SPATA13: variants seen among roughly 807,000 people sequenced by gnomAD.
The protein encoded by SPATA13 is spermatogenesis associated 13, also known as spermatogenesis-associated protein 13.
Under a neutral mutation model 104.0 loss-of-function variants are expected in SPATA13, and 50 were observed. That is an observed-to-expected ratio of 0.48 (90% CI 0.38 to 0.61). SPATA13 has a LOEUF of 0.61. Ranked by LOEUF, SPATA13 falls within the 20% of genes least tolerant of loss-of-function variation. The probability of loss-of-function intolerance (pLI) is 0.00; values close to 1 mark genes in which losing one functional copy is unlikely to be tolerated. For missense variants in SPATA13, 1,524 were observed against 1,690.6 expected (o/e 0.90, Z 1.73); for synonymous variants, 606 against 667.5 (o/e 0.91, Z 1.42).
At chr13:24,077,442 G>A (rs113687854) in intron 3 of SPATA13, among the ~76,000 whole-genome samples, 31 of 151,996 alleles carry the variant, frequency 2.0e-4, no homozygotes, top group African/African-American at 7.0e-4. Context: ...CGGACATAAA[G>A]ATGGAAATAA....
intron 3 of SPATA13, among the ~76,000 whole-genome samples, chr13:24,250,458 T>G (rs142731787): frequency 3.8e-4 from 58 of 152,314 alleles, no homozygotes; most frequent in African/African-American, 1.2e-3. Flanking sequence ...AGACCCTATC[T>G]TGGAGAAGTG....
In SPATA13 at chr13:24,294,472, T is replaced by C. The variant is rs1328103226; in HGVS notation, c.3081-267T>C. Among the ~76,000 whole-genome samples the C allele has an allele frequency of 2.0e-5, 3 of 152,258 alleles. No individual in the cohort carries two copies. In the South Asian group the frequency reaches 6.2e-4, roughly 31 times the overall value. ...CTAAAACTTACTTATTTGTGGCATT[T>C]ACTGTCATTCATTGTAATTTCTGGG... On this transcript the variant is annotated intron_variant, in intron 9 of 12. Coordinates refer to ENST00000382108, the MANE Select transcript of SPATA13 (RefSeq NM_001166271.3).
chr13:24,258,950 CAT>C (rs1491082726), intron 4 of SPATA13, among the ~76,000 whole-genome samples: 98 of 152,300 alleles, frequency 6.4e-4, no homozygotes, highest in African/African-American at 2.3e-3. Flanking sequence ...AAAAGGAGAG[CAT>C]ATCCTAGCTA....
intron 2 of SPATA13, among the ~76,000 whole-genome samples, chr13:24,242,505 G>C (rs1208234152): frequency 6.6e-6 from 1 of 152,156 alleles, no homozygotes; most frequent in African/African-American, 2.4e-5. Context: ...TCTAGTGCTG[G>C]CCTTCCAAAG....
intron 3 of SPATA13, among the ~76,000 whole-genome samples, chr13:24,094,762 C>T (rs1389514554): frequency 6.6e-6 from 1 of 152,012 alleles, no homozygotes; most frequent in Non-Finnish European, 1.5e-5. Flanking sequence ...TATAGCAAGA[C>T]CCTGTGTCTA....
intron 2 of SPATA13, among the ~76,000 whole-genome samples, chr13:24,249,008 T>G (rs1414592826): frequency 6.6e-6 from 1 of 152,070 alleles, no homozygotes; most frequent in Non-Finnish European, 1.5e-5. Context: ...TAGGTGGGAC[T>G]ACAGACACGC....
intron 4 of SPATA13, among the ~76,000 whole-genome samples, chr13:24,266,241 T>C (rs1874289919): frequency 6.6e-6 from 1 of 152,214 alleles, no homozygotes; most frequent in African/African-American, 2.4e-5. Context: ...TAGAATAAAA[T>C]TGATCATAAC....
At chr13:24,283,912 G>A (rs1467675980) in intron 4 of SPATA13, among the ~76,000 whole-genome samples, 1 of 152,166 alleles carries the variant, frequency 6.6e-6, no homozygotes, top group Non-Finnish European at 1.5e-5. Flanking sequence ...AAATGGTATT[G>A]TGTTGGCAAT....
chr13:24,171,565 A>G (rs1882970497), intron 1 of SPATA13, among the ~76,000 whole-genome samples: 1 of 152,210 alleles, frequency 6.6e-6, no homozygotes. Context: ...ATGGCCCAAC[A>G]AGGAGGTGGC....
intron 2 of SPATA13, among the ~76,000 whole-genome samples, chr13:24,233,680 T>C (rs1872403524): frequency 6.6e-6 from 1 of 152,222 alleles, no homozygotes. Context: ...TATTACCTAA[T>C]TCTTTTTCAA....
chr13:24,228,727 T>C (rs1217253248), intron 2 of SPATA13, among the ~76,000 whole-genome samples: 2 of 152,218 alleles, frequency 1.3e-5, no homozygotes, highest in Non-Finnish European at 2.9e-5. Context: ...ATTCAGCTCA[T>C]TAACAGTAAG....
Position 23,999,368 on chromosome 13 carries a change from C to CAAAAAAAAAAA in SPATA13, c.-147+15446_-147+15456dup, listed in dbSNP as rs34668799. 4.6e-3 allele frequency among the ~76,000 whole-genome samples: 434 copies of CAAAAAAAAAAA among 94,298 alleles called. 59 individuals are homozygous for CAAAAAAAAAAA. Among genetic ancestry groups the CAAAAAAAAAAA allele is most frequent in the African/African-American group, 5.7e-3 (138 of 24,268 alleles). 61.9% of individuals were successfully genotyped at this position (94,298 alleles called of 152,430 possible). On this transcript the variant is annotated intron_variant, in intron 2 of 14. Coordinates refer to the SPATA13 transcript ENST00000424834. ...TTAGAAACAGATCCTCATTTTCTAC[C>CAAAAAAAAAAA]AAAAAAAAAAAAAAAAAAAAAGCCT...
chr13:24,255,533 A>G (rs1873747009), intron 4 of SPATA13, among the ~76,000 whole-genome samples: 1 of 152,306 alleles, frequency 6.6e-6, no homozygotes, highest in East Asian at 1.9e-4. Flanking sequence ...GCTGTGTGGT[A>G]TAGTAACTAT....
chr13:24,184,485 C>T (rs998684616), intron 1 of SPATA13, among the ~76,000 whole-genome samples: 1 of 152,178 alleles, frequency 6.6e-6, no homozygotes, highest in African/African-American at 2.4e-5. Context: ...ACAATGGAGC[C>T]AACCAAATCA....
chr13:24,206,356 A>G (rs529668026), intron 1 of SPATA13, among the ~76,000 whole-genome samples: 2 of 152,346 alleles, frequency 1.3e-5, no homozygotes, highest in East Asian at 3.9e-4. Context: ...TCAAAACCAG[A>G]ATGAGATACC....
chr13:24,283,910 T>C (rs894613657), intron 4 of SPATA13, among the ~76,000 whole-genome samples: 1 of 152,220 alleles, frequency 6.6e-6, no homozygotes, highest in African/African-American at 2.4e-5. Context: ...GCAAATGGTA[T>C]TGTGTTGGCA....
chr13:24,156,367 G>A (rs1054816283), upstream of SPATA13, among the ~76,000 whole-genome samples: 5 of 152,158 alleles, frequency 3.3e-5, no homozygotes, highest in Non-Finnish European at 2.9e-5. Flanking sequence ...CAGGTGTGAT[G>A]GGGGCCCTGT....
chr13:24,187,854 A>G (rs1869250245), intron 1 of SPATA13, among the ~76,000 whole-genome samples: 1 of 152,054 alleles, frequency 6.6e-6, no homozygotes. Flanking sequence ...CCAATTAATA[A>G]CTCTACAATA....
intron 1 of SPATA13, among the ~76,000 whole-genome samples, chr13:24,208,337 A>G (rs367953334): frequency 4.6e-5 from 7 of 152,342 alleles, no homozygotes; most frequent in East Asian, 3.9e-4. Context: ...AATTAGATGC[A>G]AAGTGGTTCC....
Sources: gnomAD v4.1 joint callset for allele counts (sites outside exome capture counted in the v4.1 genomes callset) on GRCh38, gnomAD v4.1.1 for gene constraint, MANE v1.5 for transcripts, NCBI Gene and HGNC (gene_info 2026-07-23, HGNC 2026-07-21) for gene names.